DHRS7B: variants seen among roughly 807,000 people sequenced by gnomAD.
The protein encoded by DHRS7B is peroxisomal reductase activating PPAR-gamma.
In DHRS7B, 24 loss-of-function variants were observed where a neutral mutation model predicts 26.4. That is an observed-to-expected ratio of 0.91 (90% confidence interval 0.66 to 1.28). The LOEUF is 1.28. Among genes scored for constraint, DHRS7B ranks in the 50% most tolerant of loss-of-function variants. The pLI, the probability that DHRS7B is intolerant of heterozygous loss-of-function variation, is 0.00. For missense variants in DHRS7B, 368 were observed against 419.4 expected (o/e 0.88, Z 1.07); for synonymous variants, 142 against 166.4 (o/e 0.85, Z 1.13).
At chr17:21,174,833 C>G (rs989172309) in intron 2 of DHRS7B, among the ~76,000 whole-genome samples, 1 of 152,188 alleles carries the variant, frequency 6.6e-6, no homozygotes, top group African/African-American at 2.4e-5. Context: ...ACCGGATGAG[C>G]AGTTCTAGCC....
chr17:21,129,667 G>C (rs1459636887), intron 1 of DHRS7B, among the ~76,000 whole-genome samples: 2 of 136,700 alleles, frequency 1.5e-5, no homozygotes, highest in Non-Finnish European at 3.1e-5. Context: ...ATAATACTAC[G>C]GCACTCCAGC....
chr17:21,161,255 C>T (rs1049942960), intron 1 of DHRS7B, among the ~76,000 whole-genome samples: 2 of 152,058 alleles, frequency 1.3e-5, no homozygotes, highest in Non-Finnish European at 2.9e-5. Flanking sequence ...AGTGTAACAC[C>T]GGTGAGGGAT....
At chr17:21,147,079 A>G (rs917604489) in intron 1 of DHRS7B, among the ~76,000 whole-genome samples, 1 of 152,228 alleles carries the variant, frequency 6.6e-6, no homozygotes, top group East Asian at 1.9e-4. Context: ...TTTTTTGTCT[A>G]TTTTATCAAG....
chr17:21,132,542 A>C (rs537102617), intron 1 of DHRS7B, among the ~76,000 whole-genome samples: 17 of 147,126 alleles, frequency 1.2e-4, no homozygotes, highest in African/African-American at 3.4e-4. Context: ...AAAAAAAAAA[A>C]AAAAAAACAA....
chr17:21,164,555 G>A (rs966589182), intron 1 of DHRS7B, among the ~76,000 whole-genome samples: 8 of 152,218 alleles, frequency 5.3e-5, no homozygotes, highest in Non-Finnish European at 7.3e-5. Flanking sequence ...GGCCAGGTGC[G>A]GTGTTCGGCC....
intron 6 of DHRS7B, among the ~76,000 whole-genome samples, chr17:21,189,471 G>T (rs1342208833): frequency 2.0e-5 from 3 of 152,194 alleles, no homozygotes; most frequent in South Asian, 2.1e-4. Flanking sequence ...CTTGGAGCTG[G>T]TGCTGCCTCC....
At chr17:21,156,072 T>A (rs1354182221) in intron 1 of DHRS7B, among the ~76,000 whole-genome samples, 1 of 151,494 alleles carries the variant, frequency 6.6e-6, no homozygotes, top group Admixed American at 6.6e-5. Flanking sequence ...GAAGAGAAAA[T>A]TAAATCCAAA....
chr17:21,151,546 C>T (rs1440283474), intron 1 of DHRS7B, among the ~76,000 whole-genome samples: 2 of 151,400 alleles, frequency 1.3e-5, no homozygotes, highest in East Asian at 1.9e-4. Context: ...GCCACTTGTT[C>T]CTAACAAGTA....
At chr17:21,155,110 CG>C (rs1429163477) in intron 1 of DHRS7B, among the ~76,000 whole-genome samples, 3 of 152,088 alleles carry the variant, frequency 2.0e-5, no homozygotes, top group Non-Finnish European at 4.4e-5. Context: ...AAAAAATTAA[CG>C]AATATGGTAG....
At chr17:21,153,816 CTT>C (rs987184532) in intron 1 of DHRS7B, among the ~76,000 whole-genome samples, 2 of 152,044 alleles carry the variant, frequency 1.3e-5, no homozygotes, top group Non-Finnish European at 2.9e-5. Context: ...GGTCACAACT[CTT>C]AATACTATTG....
chr17:21,155,274 T>C (rs950337568), intron 1 of DHRS7B, among the ~76,000 whole-genome samples: 3 of 152,122 alleles, frequency 2.0e-5, no homozygotes, highest in Admixed American at 6.6e-5. Flanking sequence ...AAGACACATA[T>C]AGATTAAACA....
At chr17:21,141,849 A>G (rs182745425) in intron 1 of DHRS7B, among the ~76,000 whole-genome samples, 50 of 152,186 alleles carry the variant, frequency 3.3e-4, no homozygotes, top group African/African-American at 9.9e-4. Context: ...AAATCGTCCT[A>G]TTGGTTTGTG....
chr17:21,149,687 A>C (rs1973719303), intron 1 of DHRS7B, among the ~76,000 whole-genome samples: 2 of 152,176 alleles, frequency 1.3e-5, no homozygotes, highest in African/African-American at 4.8e-5. Context: ...ATTTAAGATA[A>C]GTTGTCATCT....
At position 21,140,479 on chromosome 17, in the gene DHRS7B, TACACACACACACAC is replaced by T. The variant is rs4020775; in HGVS notation, c.20+13535_20+13548del. Among the ~76,000 whole-genome samples the T allele has an allele frequency of 8.1e-3, 677 of 83,682 alleles. 7 individuals are homozygous for T. The highest frequency in any genetic ancestry group is 0.014 in the Middle Eastern group (2 of 144). 54.9% of individuals were successfully genotyped at this position (83,682 alleles called of 152,430 possible). On this transcript the variant is annotated intron_variant, in intron 1 of 6. Coordinates refer to ENST00000395511, the MANE Select transcript of DHRS7B (RefSeq NM_015510.5). ...ATAGAAATTTTAAAGGCCTTTTAAATACACACACACACACACACACACACACACACACACACACA... is the reference window on the plus strand; with the variant it reads ...ATAGAAATTTTAAAGGCCTTTTAAATACACACACACACACACACACACACA...
chr17:21,141,640 A>AAAAAAAAAAACAG, intron 1 of DHRS7B, among the ~76,000 whole-genome samples: 1 of 90,078 alleles, frequency 1.1e-5, no homozygotes, highest in Non-Finnish European at 2.1e-5. Context: ...AAAAAAAAAA[A>AAAAAAAAAAACAG]CAACCTCATC....
intron 3 of DHRS7B, among the ~76,000 whole-genome samples, chr17:21,182,547 C>A (rs1255452622): frequency 6.6e-6 from 1 of 151,918 alleles, no homozygotes; most frequent in Non-Finnish European, 1.5e-5. Flanking sequence ...CTGCCCCCGG[C>A]CAATTTTCTT....
chr17:21,146,158 C>A (rs982024101), intron 1 of DHRS7B, among the ~76,000 whole-genome samples: 1 of 152,150 alleles, frequency 6.6e-6, no homozygotes, highest in African/African-American at 2.4e-5. Flanking sequence ...TTTGTAATCC[C>A]AGCACTTTGG....
intron 1 of DHRS7B, among the ~76,000 whole-genome samples, chr17:21,144,599 C>T (rs2143949863): frequency 6.6e-6 from 1 of 152,174 alleles, no homozygotes; most frequent in East Asian, 1.9e-4. Flanking sequence ...GGGTGGATCA[C>T]CTAAGGTCAG....
At chr17:21,165,680 G>T (rs1974095045) in intron 1 of DHRS7B, among the ~76,000 whole-genome samples, 1 of 152,090 alleles carries the variant, frequency 6.6e-6, no homozygotes, top group South Asian at 2.1e-4. Flanking sequence ...CATTTTGGGA[G>T]GCTGAGGTGG....
Sources: allele counts gnomAD v4.1 joint callset (sites outside exome capture counted in the v4.1 genomes callset), GRCh38; gene constraint gnomAD v4.1.1; transcripts MANE v1.5; gene names NCBI Gene and HGNC (gene_info 2026-07-23, HGNC 2026-07-21).